The following ERLIN2 variants were observed in gnomAD, a reference collection of about 807,000 sequenced individuals.
The protein encoded by ERLIN2 is ER lipid raft associated 2, also known as erlin-2.
In ERLIN2, 22 loss-of-function variants were observed where a neutral mutation model predicts 41.5. The ratio of observed to expected loss-of-function variants is 0.53; its 90% CI spans 0.38 to 0.76. The LOEUF (loss-of-function observed/expected upper bound fraction) is 0.76. Among genes scored for constraint, ERLIN2 ranks in the 30% least tolerant of loss-of-function variants. ERLIN2 has a pLI of 0.00. For missense variants in ERLIN2, 247 were observed against 414.3 expected (o/e 0.60, Z 3.51); for synonymous variants, 149 against 150.9 (o/e 0.99, Z 0.09).
chr8:37,750,104 G>A (rs1803184900), intron 8 of ERLIN2: 3 of 625,214 alleles, frequency 4.8e-6, no homozygotes, highest in South Asian at 3.8e-5. Flanking sequence ...GGCCTTGTTT[G>A]TGTTCAGTGA....
intron 8 of ERLIN2, 110 bp downstream of exon 8, chr8:37,749,962 G>GCAAATCCTCCAGCA: frequency 1.0e-6 from 1 of 992,084 alleles, no homozygotes; most frequent in Non-Finnish European, 1.6e-6. Flanking sequence ...CCCCTTGCTG[G>GCAAATCCTCCAGCA]AGGATTTGCT....
chr8:37,750,034 T>A, intron 8 of ERLIN2, 182 bp downstream of exon 8: 1 of 691,812 alleles, frequency 1.4e-6, no homozygotes, highest in Non-Finnish European at 2.6e-6. Context: ...GCTCCCTACC[T>A]GTGATTGAGA....
intron 4 of ERLIN2, among the ~76,000 whole-genome samples, chr8:37,743,591 C>T (rs1028634196): frequency 5.3e-5 from 8 of 151,996 alleles, no homozygotes; most frequent in Admixed American, 4.6e-4. Flanking sequence ...AATCTGGGGG[C>T]GAGGCATACA....
rs974264118 is a variant in ERLIN2 at position 37,747,680 on chromosome 8, C to G, written c.425-1879C>G. ...CCATCCACAATGAAGGTAACGGGAG[C>G]ATTCTTCGGCTGGGATTGGTAGAAG... On this transcript the variant is annotated intron_variant, in intron 6 of 11. Coordinates refer to ENST00000519638, the MANE Select transcript of ERLIN2 (RefSeq NM_007175.8). 3 of 1,595,326 alleles carry G rather than the reference C, an allele frequency of 1.9e-6. No individual in the cohort carries two copies. The African/African-American group carries it at 4.0e-5, about 21-fold the overall frequency.
At position 37,741,315 on chromosome 8, in the gene ERLIN2, A is replaced by G. The variant is rs1312318616; in HGVS notation, c.190-457A>G. Among the ~76,000 whole-genome samples the G allele has an allele frequency of 6.6e-6, 1 of 152,176 alleles. No individual in the cohort carries two copies. Among genetic ancestry groups the G allele is most frequent in the Admixed American group, 6.5e-5 (1 of 15,278 alleles). Reference sequence around the variant, plus strand: ...ACCACCTTCAAATAACTTTTATGACAGTATATTGTTATAATTGTTCTATTT... The same window carrying G: ...ACCACCTTCAAATAACTTTTATGACGGTATATTGTTATAATTGTTCTATTT... On this transcript the variant is annotated intron_variant, in intron 3 of 11. Coordinates refer to ENST00000519638, the MANE Select transcript of ERLIN2 (RefSeq NM_007175.8). The surrounding 1 kb of genome is among the most constrained non-coding windows in gnomAD (Gnocchi z 4.8).
At chr8:37,744,271 C>T in intron 4 of ERLIN2, 84 bp from the exon 5 acceptor site, 1 of 1,176,916 alleles carries the variant, frequency 8.5e-7, no homozygotes, top group South Asian at 1.2e-5. Flanking sequence ...TCTGCCAAGC[C>T]CCACATCTTA....
intron 4 of ERLIN2, among the ~76,000 whole-genome samples, chr8:37,743,582 A>T (rs1254605078): frequency 1.3e-5 from 2 of 152,176 alleles, no homozygotes; most frequent in African/African-American, 4.8e-5. Context: ...CAACATATGA[A>T]TCTGGGGGCG....
At chr8:37,737,121 C>A in intron 1 of ERLIN2, 1 of 368,272 alleles carries the variant, frequency 2.7e-6, no homozygotes, top group Non-Finnish European at 3.8e-6. Flanking sequence ...TGCAGTCAGT[C>A]ACCATAGTTC....
intron 1 of ERLIN2, 125 bp from the exon 2 acceptor site, chr8:37,737,783 T>C (rs2129640809): frequency 8.9e-7 from 1 of 1,124,722 alleles, no homozygotes; most frequent in Non-Finnish European, 1.3e-6. Flanking sequence ...TAGCCTTGTG[T>C]TCACACGACA....
Position 37,736,657 on chromosome 8 carries a change from G to C in ERLIN2, c.-37G>C. On this transcript the variant is annotated 5_prime_UTR_variant, in exon 1 of 12. Coordinates refer to ENST00000519638, the MANE Select transcript of ERLIN2 (RefSeq NM_007175.8). ...TTGCTCGTGGGCTCGGACGAGTACG[G>C]AGCGCCTGCAGGGACAGCCTGGTAC... The C allele has an allele frequency of 2.0e-6, 2 of 985,736 alleles. No individual in the cohort carries two copies. The highest frequency in any genetic ancestry group is 2.4e-6 in the Non-Finnish European group (2 of 830,084). The allele number at this position is 985,736 out of a possible 1,614,324, so 61.1% of individuals were successfully genotyped here.
At position 37,758,283 on chromosome 8, in the gene ERLIN2, G is replaced by A. The variant is rs1181347078; in HGVS notation, c.*4168G>A. 6.6e-6 allele frequency: 1 copy of A among 152,182 alleles called. No individual in the cohort carries two copies. Among genetic ancestry groups the A allele is most frequent in the African/African-American group, 2.4e-5 (1 of 41,436 alleles). The allele number at this position is 152,182 out of a possible 1,614,324, so 9.4% of individuals were successfully genotyped here. ...TAACAATTGAATAGTTATGTTAAGA[G>A]TGTAGTTACTGCAGTTAGACTGCCA... On this transcript the variant is annotated 3_prime_UTR_variant, in exon 12 of 12. Transcript: ENST00000519638.
chr8:37,757,590 A>G lies in ERLIN2; in HGVS notation c.*3475A>G, dbSNP rs1234200517. ...TTGCCGTGGGTTGATAGCTGGAGGA[A>G]TTGTTTTGGACAATACTAACATGTG... On this transcript the variant is annotated 3_prime_UTR_variant, in exon 12 of 12. Coordinates refer to ENST00000519638, the MANE Select transcript of ERLIN2 (RefSeq NM_007175.8). 6.6e-6 allele frequency: 1 copy of G among 152,186 alleles called. No individual in the cohort carries two copies. Among genetic ancestry groups the G allele is most frequent in the Non-Finnish European group, 1.5e-5 (1 of 68,024 alleles). 9.4% of individuals were successfully genotyped at this position (152,186 alleles called of 1,614,324 possible). A position where few individuals can be genotyped will look rare whatever the true frequency, so the allele number is the denominator to read the frequency against.
chr8:37,745,608 G>A, intron 6 of ERLIN2: 1 of 1,614,036 alleles, frequency 6.2e-7, no homozygotes, highest in South Asian at 1.1e-5. Context: ...TCATAAAAGG[G>A]ACCCTGAGCA....
In ERLIN2 at chr8:37,751,645, G is replaced by T; in HGVS notation, c.669G>T (p.Gln223His). The change falls in exon 10 of 12, where the codon CAG becomes CAT. Residue 223 changes from glutamine to histidine, a missense_variant. Gln to His is a conservative substitution (Grantham distance 24, BLOSUM62 0). Transcript: ENST00000519638. Reference protein sequence around the residue: ...KALIEAEKVAQVAEITYGQKV... With the variant: ...KALIEAEKVAHVAEITYGQKV... ...ATTCAGAGGCAGAAAAAGTGGCCCA[G>T]GTGGCTGAGATCACCTACGGGCAGA... 6.2e-7 allele frequency: 1 copy of T among 1,613,812 alleles called. No homozygotes were observed.
intron 6 of ERLIN2, chr8:37,747,765 C>T: frequency 1.9e-6 from 3 of 1,610,176 alleles, no homozygotes; most frequent in Non-Finnish European, 2.6e-6. Context: ...CTTCAGGTCT[C>T]CGCAGATACA....
At chr8:37,748,838 G>A (rs1803141826) in intron 6 of ERLIN2, among the ~76,000 whole-genome samples, 1 of 152,192 alleles carries the variant, frequency 6.6e-6, no homozygotes, top group Non-Finnish European at 1.5e-5. Context: ...CTGCTGTTCT[G>A]AGATTGCAGC....
At chr8:37,742,933 T>A (rs1413291449) in intron 4 of ERLIN2, among the ~76,000 whole-genome samples, 1 of 152,092 alleles carries the variant, frequency 6.6e-6, no homozygotes, top group Non-Finnish European at 1.5e-5. Flanking sequence ...CTAAAGAGAA[T>A]GTCATAAAGG....
At chr8:37,751,841 G>C in intron 10 of ERLIN2, 126 bp downstream of exon 10, 1 of 760,364 alleles carries the variant, frequency 1.3e-6, no homozygotes. Context: ...TGCAACAGCA[G>C]CTTTTCTCCA....
intron 2 of ERLIN2, among the ~76,000 whole-genome samples, chr8:37,738,716 T>C (rs1563310148): frequency 6.6e-6 from 1 of 152,058 alleles, no homozygotes. Flanking sequence ...TGAGAGCCCA[T>C]CTCTACAAAA....
Sources: gnomAD v4.1 joint callset for allele counts (sites outside exome capture counted in the v4.1 genomes callset) on GRCh38, gnomAD v4.1.1 for gene constraint, Gnocchi (gnomAD v3.1) non-coding constraint, MANE v1.5 for transcripts, NCBI Gene and HGNC (gene_info 2026-07-23, HGNC 2026-07-21) for gene names.